The following ZFAND3 variants were observed in gnomAD, a reference collection of about 807,000 sequenced individuals.
The protein encoded by ZFAND3 is zinc finger AN1-type containing 3.
Under a neutral mutation model 29.6 loss-of-function variants are expected in ZFAND3, and 10 were observed. The ratio of observed to expected loss-of-function variants is 0.34; its 90% CI spans 0.21 to 0.57. ZFAND3 has a LOEUF of 0.57. Among genes scored for constraint, ZFAND3 ranks in the 20% least tolerant of loss-of-function variants. ZFAND3 has a pLI of 0.86. For missense variants in ZFAND3, 230 were observed against 304.5 expected, an observed-to-expected ratio of 0.76 and a Z score of 1.82; for synonymous variants, 128 against 112.6, an observed-to-expected ratio of 1.14 and a Z score of -0.87.
intron 1 of ZFAND3, among the ~76,000 whole-genome samples, chr6:37,890,243 T>G (rs1190932343): frequency 2.0e-5 from 3 of 152,226 alleles, no homozygotes; most frequent in Non-Finnish European, 4.4e-5. Context: ...CAGTTAACAT[T>G]TTTTAATTTT....
chr6:38,035,735 A>G (rs1022246249), intron 2 of ZFAND3, among the ~76,000 whole-genome samples: 2 of 152,192 alleles, frequency 1.3e-5, no homozygotes, highest in Non-Finnish European at 2.9e-5. Flanking sequence ...TGCAGATTCT[A>G]TCTCATATCC....
chr6:38,043,334 TAA>T (rs1057229082), intron 2 of ZFAND3, among the ~76,000 whole-genome samples: 3 of 144,014 alleles, frequency 2.1e-5, no homozygotes, highest in Non-Finnish European at 1.5e-5. Context: ...GATTTTAGGT[TAA>T]AAAAAAAAAG....
chr6:37,927,905 A>G (rs2127411783), intron 1 of ZFAND3, among the ~76,000 whole-genome samples: 1 of 152,344 alleles, frequency 6.6e-6, no homozygotes, highest in Admixed American at 6.5e-5. Flanking sequence ...TAGTTCTGTA[A>G]TCTTCGGCAA....
At chr6:37,960,604 G>A (rs1212939957) in intron 2 of ZFAND3, among the ~76,000 whole-genome samples, 1 of 152,108 alleles carries the variant, frequency 6.6e-6, no homozygotes, top group East Asian at 1.9e-4. Context: ...TCGCATTTGT[G>A]TGCCTTCCGT....
chr6:38,091,718 G>A (rs1322863191), intron 4 of ZFAND3, among the ~76,000 whole-genome samples: 1 of 136,388 alleles, frequency 7.3e-6, no homozygotes, highest in Non-Finnish European at 1.6e-5. Context: ...GCCCCACTCA[G>A]TTCCTGGCTC....
At chr6:38,047,061 C>T (rs1349703827) in intron 2 of ZFAND3, among the ~76,000 whole-genome samples, 2 of 151,824 alleles carry the variant, frequency 1.3e-5, no homozygotes, top group African/African-American at 4.8e-5. Context: ...GGTGGTTCAC[C>T]CCTGTAATCC....
intron 5 of ZFAND3, among the ~76,000 whole-genome samples, chr6:38,117,577 A>G (rs148280095): frequency 1.3e-5 from 2 of 152,178 alleles, no homozygotes; most frequent in Non-Finnish European, 2.9e-5. Context: ...TGGTTTTAAA[A>G]CCTAATATTA....
At chr6:37,973,023 G>A (rs1038236331) in intron 2 of ZFAND3, among the ~76,000 whole-genome samples, 1 of 151,838 alleles carries the variant, frequency 6.6e-6, no homozygotes, top group Non-Finnish European at 1.5e-5. Flanking sequence ...TCCCTCCCTC[G>A]AGTTCATTTG....
chr6:38,065,297 G>C (rs1429506426), intron 3 of ZFAND3, among the ~76,000 whole-genome samples: 4 of 151,408 alleles, frequency 2.6e-5, no homozygotes, highest in Non-Finnish European at 5.9e-5. Flanking sequence ...CCTGGCGACA[G>C]AGTGGGACTC....
intron 1 of ZFAND3, 64 bp from the exon 2 acceptor site, chr6:37,929,895 T>G (rs1761562182): frequency 2.7e-6 from 4 of 1,476,668 alleles, no homozygotes; most frequent in Non-Finnish European, 3.6e-6. Context: ...ACATCTTATG[T>G]TTTGATTAGA....
intron 5 of ZFAND3, among the ~76,000 whole-genome samples, chr6:38,133,221 A>G (rs11751094): frequency 6.6e-6 from 1 of 152,128 alleles, no homozygotes; most frequent in African/African-American, 2.4e-5. Flanking sequence ...GTCTGTTTAC[A>G]TGTCTGTCCT....
At chr6:38,031,080 C>T (rs976525525) in intron 2 of ZFAND3, among the ~76,000 whole-genome samples, 3 of 152,106 alleles carry the variant, frequency 2.0e-5, no homozygotes, top group Admixed American at 1.3e-4. Context: ...AAGAGCCAAC[C>T]TTTCTTAAGG....
intron 1 of ZFAND3, among the ~76,000 whole-genome samples, chr6:37,919,407 C>A (rs1216742929): frequency 6.6e-6 from 1 of 152,160 alleles, no homozygotes; most frequent in Non-Finnish European, 1.5e-5. Context: ...TTTAAATTCT[C>A]CATGTCTGCA....
At chr6:37,850,342 C>T (rs1764258466) in intron 1 of ZFAND3, among the ~76,000 whole-genome samples, 1 of 151,612 alleles carries the variant, frequency 6.6e-6, no homozygotes, top group Non-Finnish European at 1.5e-5. Context: ...ATCAGTTAGT[C>T]AACAAATATT....
At chr6:37,962,110 A>G (rs1762208695) in intron 2 of ZFAND3, among the ~76,000 whole-genome samples, 1 of 152,222 alleles carries the variant, frequency 6.6e-6, no homozygotes, top group Non-Finnish European at 1.5e-5. Flanking sequence ...AAAGAAATTC[A>G]AGATAACACA....
At position 37,841,577 on chromosome 6, in the gene ZFAND3, G is replaced by A. The variant is rs944365814; in HGVS notation, c.71+21561G>A. ...TGGCTCACTGCAAGCTCTGCCTCCC[G>A]GGTTCACGCCATTCCCCTGCCTCAG... On this transcript the variant is annotated intron_variant, in intron 1 of 5. Transcript: ENST00000287218. Among the ~76,000 whole-genome samples, 25 of 152,096 alleles carry A rather than the reference G, an allele frequency of 1.6e-4. 1 individual carries two copies. The highest frequency in any genetic ancestry group is 5.6e-4 in the African/African-American group (23 of 41,406).
chr6:38,103,394 C>CTAT (rs1765134880), intron 4 of ZFAND3, among the ~76,000 whole-genome samples: 1 of 138,116 alleles, frequency 7.2e-6, no homozygotes, highest in African/African-American at 2.9e-5. Flanking sequence ...TACACACACA[C>CTAT]ATATATATAC....
At chr6:37,874,469 G>C (rs576611956) in intron 1 of ZFAND3, among the ~76,000 whole-genome samples, 1 of 143,350 alleles carries the variant, frequency 7.0e-6, no homozygotes, top group African/African-American at 2.6e-5. Flanking sequence ...AGCCGAGATC[G>C]TGCCATTGCA....
At chr6:37,944,789 A>G (rs757313313) in intron 2 of ZFAND3, among the ~76,000 whole-genome samples, 23 of 152,196 alleles carry the variant, frequency 1.5e-4, no homozygotes, top group Non-Finnish European at 2.2e-4. Context: ...ACTCTGATCA[A>G]TGGTCAGGCT....
Sources: gnomAD v4.1 joint callset for allele counts (sites outside exome capture counted in the v4.1 genomes callset) on GRCh38, gnomAD v4.1.1 for gene constraint, MANE v1.5 for transcripts, NCBI Gene and HGNC (gene_info 2026-07-23, HGNC 2026-07-21) for gene names.